SCGB1D4: variants seen among roughly 807,000 people sequenced by gnomAD.
SCGB1D4 encodes IFN-gamma inducible SCGB (IIS).
A neutral mutation model predicts 8.1 loss-of-function variants in SCGB1D4; 6 were observed. That is an observed-to-expected ratio of 0.74 (90% CI 0.40 to 1.45). SCGB1D4 has a LOEUF of 1.45. SCGB1D4 is among the 40% of genes most tolerant of loss of function. SCGB1D4 has a pLI of 0.02. For missense variants in SCGB1D4, 93 were observed against 95.0 expected, an observed-to-expected ratio of 0.98 and a Z score of 0.09; for synonymous variants, 34 against 38.1, an observed-to-expected ratio of 0.89 and a Z score of 0.39.
chr11:62,296,861 G>A (rs532642243), intron 2 of SCGB1D4, among the ~76,000 whole-genome samples: 4 of 152,304 alleles, frequency 2.6e-5, no homozygotes, highest in East Asian at 1.9e-4. Context: ...TCTGCCTAAC[G>A]GCCAGGGGTC....
rs1054894961 is a variant in SCGB1D4, at chr11:62,298,807, T to C, written c.55+149A>G. On this transcript the variant is annotated intron_variant, in intron 1 of 2. Transcript: ENST00000358585. ...AGAAAGAAGAAATAGCTCTAACCTTTATGAATCTTATTCAACAAGCACAGA... is the reference window on the plus strand; with the variant it reads ...AGAAAGAAGAAATAGCTCTAACCTTCATGAATCTTATTCAACAAGCACAGA... 5.2e-6 allele frequency: 3 copies of C among 576,224 alleles called. No individual in the cohort carries two copies. In the South Asian group the frequency reaches 1.2e-4, roughly 22 times the overall value. The allele number at this position is 576,224 out of a possible 1,614,324, so 35.7% of individuals were successfully genotyped here. A position where few individuals can be genotyped will look rare whatever the true frequency, so the allele number is the denominator to read the frequency against.
At position 62,299,051 on chromosome 11, in the gene SCGB1D4, G is replaced by C. The variant is rs752851573; in HGVS notation, c.-41C>G. 2 of 1,604,364 alleles carry C rather than the reference G, an allele frequency of 1.2e-6. No individual in the cohort carries two copies. The highest frequency in any genetic ancestry group is 2.2e-5 in the South Asian group (2 of 90,054). ...TGTGAGCTCAGCTTTCACAATGAGT[G>C]ATTTGGATTCGACTCCAGGAGCCTG... On this transcript the variant is annotated 5_prime_UTR_variant, in exon 1 of 3. The change creates a new upstream start codon in the 5' untranslated region. Transcript: ENST00000358585.
chr11:62,298,862 G>A, intron 1 of SCGB1D4, 94 bp downstream of exon 1: 2 of 1,252,376 alleles, frequency 1.6e-6, no homozygotes, highest in Admixed American at 4.3e-5. Flanking sequence ...TTGGTTTTGT[G>A]CAGACCCCAA....
intron 1 of SCGB1D4, among the ~76,000 whole-genome samples, chr11:62,298,010 TTGTGTGTGTGTGTGTGTG>T (rs71458409): frequency 1.5e-4 from 18 of 116,226 alleles, no homozygotes; most frequent in East Asian, 2.6e-4. Context: ...ATGCCCGCTT[TTGTGTGTGTGTGTGTGTG>T]TGTGTGTGTG....
intron 2 of SCGB1D4, among the ~76,000 whole-genome samples, chr11:62,296,741 A>T (rs981853288): frequency 6.6e-6 from 1 of 152,140 alleles, no homozygotes; most frequent in African/African-American, 2.4e-5. Flanking sequence ...AGGTCTGTGG[A>T]GTCTCCTGAT....
chr11:62,298,723 C>T (rs573343466), intron 1 of SCGB1D4, among the ~76,000 whole-genome samples: 55 of 140,372 alleles, frequency 3.9e-4, no homozygotes, highest in African/African-American at 1.4e-3. Context: ...CATGCCACTG[C>T]ACTCCAGCCT....
chr11:62,297,209 TG>T (rs1182482520), intron 2 of SCGB1D4, among the ~76,000 whole-genome samples: 1 of 152,152 alleles, frequency 6.6e-6, no homozygotes, highest in African/African-American at 2.4e-5. Context: ...CTCCTCTCCC[TG>T]TTCAAATCTC....
Position 62,296,439 on chromosome 11 carries a change from A to G in SCGB1D4, c.243-20T>C. 1.2e-6 allele frequency: 2 copies of G among 1,610,034 alleles called. No individual in the cohort carries two copies. Among genetic ancestry groups the G allele is most frequent in the Non-Finnish European group, 1.7e-6 (2 of 1,178,468 alleles). ...TTCCACCTGAAATCAAAAAAAAGAA[A>G]GAAAGAAAGAAAGGTGAGGTCAGTC... On this transcript the variant is annotated intron_variant, in intron 2 of 2. Transcript: ENST00000358585.
Position 62,298,962 on chromosome 11 carries a change from A to G in SCGB1D4, c.49T>C (p.Tyr17His). 13 of 1,613,922 alleles carry G rather than the reference A, an allele frequency of 8.1e-6. No homozygotes were observed. The highest frequency in any genetic ancestry group is 1.1e-5 in the Non-Finnish European group (13 of 1,179,888). ...LLMVSLALCC[Y>H]QAHALVCPAV... ...TCATGACTGATGTACTCACCCTGGT[A>G]GCAGCAAAGGGCCAGCGAGACCATC... The change falls in exon 1 of 3, where the codon TAC becomes CAC. Residue 17 changes from tyrosine to histidine, a missense_variant. Coordinates refer to ENST00000358585, the MANE Select transcript of SCGB1D4 (RefSeq NM_206998.2).
chr11:62,297,174 G>T (rs1266760080), intron 2 of SCGB1D4, among the ~76,000 whole-genome samples: 1 of 152,188 alleles, frequency 6.6e-6, no homozygotes, highest in African/African-American at 2.4e-5. Flanking sequence ...GTCTGTGGGA[G>T]GCCCAGCTCT....
At chr11:62,298,054 T>G (rs1299293897) in intron 1 of SCGB1D4, among the ~76,000 whole-genome samples, 13 of 145,048 alleles carry the variant, frequency 9.0e-5, no homozygotes, top group Non-Finnish European at 1.5e-4. Context: ...GTGTTTTGTT[T>G]TGTTTTTTTT....
chr11:62,297,688 T>G, intron 1 of SCGB1D4, 30 bp from the exon 2 acceptor site: 1 of 1,598,664 alleles, frequency 6.3e-7, no homozygotes, highest in Non-Finnish European at 8.5e-7. Flanking sequence ...ATATTGTTGA[T>G]GTTAGGAAAG....
intron 2 of SCGB1D4, among the ~76,000 whole-genome samples, chr11:62,297,046 C>G (rs781152840): frequency 6.6e-6 from 1 of 152,172 alleles, no homozygotes; most frequent in Non-Finnish European, 1.5e-5. Context: ...AAAGTCTTGG[C>G]CCACTGGCTG....
At chr11:62,298,285 G>C (rs954070791) in intron 1 of SCGB1D4, among the ~76,000 whole-genome samples, 1 of 151,972 alleles carries the variant, frequency 6.6e-6, no homozygotes, top group Non-Finnish European at 1.5e-5. Context: ...CTCAAGGAGG[G>C]TGAGCATTGT....
chr11:62,296,550 T>G, intron 2 of SCGB1D4, 131 bp from the exon 3 acceptor site: 3 of 909,080 alleles, frequency 3.3e-6, no homozygotes, highest in Non-Finnish European at 5.1e-6. Context: ...GAGGCAAGAA[T>G]TCAGTTTGGG....
intron 2 of SCGB1D4, among the ~76,000 whole-genome samples, chr11:62,296,885 C>T (rs1565139283): frequency 6.6e-6 from 1 of 152,208 alleles, no homozygotes; most frequent in Non-Finnish European, 1.5e-5. Context: ...TCAGCCCTGA[C>T]CCTGCAGCTT....
intron 1 of SCGB1D4, among the ~76,000 whole-genome samples, chr11:62,298,279 A>G (rs1196862292): frequency 2.0e-5 from 3 of 151,960 alleles, no homozygotes; most frequent in African/African-American, 7.3e-5. Context: ...AGGAGGCTCA[A>G]GGAGGGTGAG....
In SCGB1D4 at chr11:62,296,339, A is replaced by G; in HGVS notation, c.*71T>C. 3.7e-6 allele frequency: 5 copies of G among 1,357,480 alleles called. No homozygotes were observed. Among genetic ancestry groups the G allele is most frequent in the Non-Finnish European group, 5.3e-6 (5 of 947,004 alleles). 84.1% of individuals were successfully genotyped at this position (1,357,480 alleles called of 1,614,324 possible). A position where few individuals can be genotyped will look rare whatever the true frequency, so the allele number is the denominator to read the frequency against. ...GAAACCTTTACAATTTTTAGTGAAGATCAGGGTGTCGTTGAAAGACTTTGG... is the reference window on the plus strand; with the variant it reads ...GAAACCTTTACAATTTTTAGTGAAGGTCAGGGTGTCGTTGAAAGACTTTGG... On this transcript the variant is annotated 3_prime_UTR_variant, in exon 3 of 3. Transcript: ENST00000358585.
intron 2 of SCGB1D4, among the ~76,000 whole-genome samples, 156 bp downstream of exon 2, chr11:62,297,316 C>T (rs1260496356): frequency 6.6e-6 from 1 of 152,210 alleles, no homozygotes; most frequent in Non-Finnish European, 1.5e-5. Context: ...CCGTGCTTGG[C>T]CCTTCACCAT....
Sources: gnomAD v4.1 joint callset for allele counts (sites outside exome capture counted in the v4.1 genomes callset) on GRCh38, gnomAD v4.1.1 for gene constraint, MANE v1.5 for transcripts, NCBI Gene and HGNC (gene_info 2026-07-23, HGNC 2026-07-21) for gene names.